ANKRD10: variants seen among roughly 807,000 people sequenced by gnomAD.
ANKRD10 encodes ankyrin repeat domain-containing protein 10.
ANKRD10 carries 14 observed loss-of-function variants against 27.0 expected under a neutral mutation model. The observed-to-expected ratio is 0.52, with a 90% CI of 0.34 to 0.81. The LOEUF (loss-of-function observed/expected upper bound fraction) is 0.81. ANKRD10 is among the 40% of genes least tolerant of loss of function. The probability of loss-of-function intolerance (pLI) is 0.01; values close to 1 mark genes in which losing one functional copy is unlikely to be tolerated. For synonymous variants in ANKRD10, 250 were observed against 224.5 expected, an observed-to-expected ratio of 1.11 and a Z score of -1.01; for missense variants, 493 against 544.0, an observed-to-expected ratio of 0.91 and a Z score of 0.93.
rs1344691271 is a variant in ANKRD10, at chr13:110,914,914, G to A, written c.21C>T (p.Gly7=). The change falls in exon 1 of 6, where the codon GGC becomes GGT. Residue 7 remains glycine, a synonymous_variant. Transcript: ENST00000267339. ...TGGAGAAGCCCGCCTCTACGCCCGC[G>A]CCCGCTCCCGCCGCCGACATGGTCC... MSAAGA[G]AGVEAGFSSE... is the part of the protein sequence containing the mutation. The A allele has an allele frequency of 7.2e-6, 11 of 1,534,584 alleles. No homozygotes were observed. Among genetic ancestry groups the A allele is most frequent in the Admixed American group, 3.9e-5 (2 of 50,866 alleles).
Position 110,914,994 on chromosome 13 carries a change from AGAAGCCGCCGCC to A in ANKRD10, c.-72_-61del, listed in dbSNP as rs892847830. The A allele has an allele frequency of 3.4e-6, 5 of 1,491,468 alleles. No individual in the cohort carries two copies. In the African/African-American group the frequency reaches 7.0e-5, roughly 21 times the overall value. The allele number at this position is 1,491,468 out of a possible 1,614,324, so 92.4% of individuals were successfully genotyped here. A position where few individuals can be genotyped will look rare whatever the true frequency, so the allele number is the denominator to read the frequency against. ...TAGAGGACGCGTCGGGGAGGACTCGAGAAGCCGCCGCCGCAGCACAAAGGAACGAGACTAGCG... is the reference window on the plus strand; with the variant it reads ...TAGAGGACGCGTCGGGGAGGACTCGAGCAGCACAAAGGAACGAGACTAGCG... On this transcript the variant is annotated 5_prime_UTR_variant, in exon 1 of 6. Transcript: ENST00000267339.
chr13:110,911,159 CTT>C (rs990443090), intron 1 of ANKRD10, among the ~76,000 whole-genome samples: 7 of 152,182 alleles, frequency 4.6e-5, no homozygotes, highest in Non-Finnish European at 1.0e-4. Flanking sequence ...GGTTAAAAAA[CTT>C]TGTGTAGGCC....
At position 110,914,965 on chromosome 13, in the gene ANKRD10, G is replaced by T. The variant is rs2065849349; in HGVS notation, c.-31C>A. 6.6e-7 allele frequency: 1 copy of T among 1,519,582 alleles called. No homozygotes were observed. The highest frequency in any genetic ancestry group is 8.8e-7 in the Non-Finnish European group (1 of 1,138,634). 94.1% of individuals were successfully genotyped at this position (1,519,582 alleles called of 1,614,324 possible). Reference sequence around the variant, plus strand: ...GTCACCGGAGAGCGCGGGGCTCGCTGGCCTAGAGGACGCGTCGGGGAGGAC... The same window carrying T: ...GTCACCGGAGAGCGCGGGGCTCGCTTGCCTAGAGGACGCGTCGGGGAGGAC... On this transcript the variant is annotated 5_prime_UTR_variant, in exon 1 of 6. Coordinates refer to ENST00000267339, the MANE Select transcript of ANKRD10 (RefSeq NM_017664.4).
rs780758838 is a variant in ANKRD10, at chr13:110,879,852, G to C, written c.1048C>G (p.Leu350Val). ...ATGCAGCTACTTGGACTCCCGTTCAGGTGCAGAGAACCGCACAACTCAGGG... is the reference window on the plus strand; with the variant it reads ...ATGCAGCTACTTGGACTCCCGTTCACGTGCAGAGAACCGCACAACTCAGGG... ...ANPELCGSLH[L>V]NGSPSSCIAS... The change falls in exon 6 of 6, where the codon CTG (leucine) becomes GTG (valine). Residue 350 changes from leucine to valine, a missense_variant. Transcript: ENST00000267339. 3 of 1,614,232 alleles carry C rather than the reference G, an allele frequency of 1.9e-6. No individual in the cohort carries two copies. The highest frequency in any genetic ancestry group is 1.7e-5 in the Admixed American group (1 of 60,028).
intron 3 of ANKRD10, chr13:110,904,334 T>C (rs530595912): frequency 4.6e-5 from 7 of 152,284 alleles, no homozygotes; most frequent in Non-Finnish European, 1.0e-4. Context: ...AAAGAGACAC[T>C]TGAGGGCCCT....
At chr13:110,900,107 T>A (rs1251744647) in intron 3 of ANKRD10, among the ~76,000 whole-genome samples, 1 of 152,132 alleles carries the variant, frequency 6.6e-6, no homozygotes, top group Non-Finnish European at 1.5e-5. Flanking sequence ...AAAATTTATA[T>A]CTAAGAATTC....
intron 4 of ANKRD10, among the ~76,000 whole-genome samples, chr13:110,892,361 C>T (rs200737647): frequency 2.7e-4 from 33 of 120,914 alleles, no homozygotes; most frequent in East Asian, 2.1e-3. Flanking sequence ...ACTTGGGAGC[C>T]GGAGGTTGCA....
intron 3 of ANKRD10, among the ~76,000 whole-genome samples, chr13:110,898,749 T>C (rs2065298181): frequency 9.0e-6 from 1 of 111,240 alleles, no homozygotes; most frequent in East Asian, 2.2e-4. Flanking sequence ...GTTTTTCTTT[T>C]CTTTTTTTTT....
chr13:110,896,672 C>G (rs1170037187), intron 3 of ANKRD10, among the ~76,000 whole-genome samples: 3 of 152,258 alleles, frequency 2.0e-5, no homozygotes, highest in African/African-American at 4.8e-5. Flanking sequence ...CATACATTCT[C>G]AGTCCTAACT....
intron 3 of ANKRD10, among the ~76,000 whole-genome samples, chr13:110,905,742 G>A (rs895020025): frequency 6.6e-6 from 1 of 152,060 alleles, no homozygotes; most frequent in Non-Finnish European, 1.5e-5. Flanking sequence ...CAAAGTAATG[G>A]TGGCAAAGTA....
intron 5 of ANKRD10, among the ~76,000 whole-genome samples, chr13:110,880,314 T>C (rs573320456): frequency 5.6e-4 from 85 of 152,340 alleles, no homozygotes; most frequent in African/African-American, 2.0e-3. Flanking sequence ...CCTGGTAAGA[T>C]AGGAAAATCA....
chr13:110,892,791 A>C, intron 4 of ANKRD10: 1 of 1,236,442 alleles, frequency 8.1e-7, no homozygotes, highest in Non-Finnish European at 1.0e-6. Context: ...GTGCTCAAAA[A>C]GTTCCACATA....
chr13:110,904,416 C>T (rs1024381833), intron 3 of ANKRD10: 3 of 152,134 alleles, frequency 2.0e-5, no homozygotes, highest in Middle Eastern at 3.4e-3. Context: ...AAAAGGACAT[C>T]GTGATATTTA....
At chr13:110,895,716 G>A (rs2065208926) in intron 3 of ANKRD10, among the ~76,000 whole-genome samples, 1 of 152,174 alleles carries the variant, frequency 6.6e-6, no homozygotes, top group East Asian at 1.9e-4. Context: ...AGAAGCTGAA[G>A]ACTACACTGA....
At chr13:110,909,840 A>G (rs971006133) in intron 2 of ANKRD10, among the ~76,000 whole-genome samples, 3 of 152,224 alleles carry the variant, frequency 2.0e-5, no homozygotes, top group Non-Finnish European at 4.4e-5. Flanking sequence ...TGATGACTAT[A>G]AAGCATTTAA....
intron 4 of ANKRD10, among the ~76,000 whole-genome samples, chr13:110,891,871 C>CTT (rs10553815): frequency 0.012 from 1,447 of 121,184 alleles, 21 homozygotes; most frequent in Middle Eastern, 0.014. Context: ...CTTATTAAGA[C>CTT]TTTTTTTTTT....
intron 1 of ANKRD10, among the ~76,000 whole-genome samples, chr13:110,912,245 TCA>T (rs1330059474): frequency 6.6e-6 from 1 of 152,228 alleles, no homozygotes; most frequent in Non-Finnish European, 1.5e-5. Flanking sequence ...AGGAGAGACC[TCA>T]CCTGAAGACA....
rs1267715356 is a variant in ANKRD10, at chr13:110,914,931, A to C, written c.4T>G (p.Ser2Ala). The C allele has an allele frequency of 6.5e-7, 1 of 1,532,876 alleles. No individual in the cohort carries two copies. Among genetic ancestry groups the C allele is most frequent in the South Asian group, 1.2e-5 (1 of 83,476 alleles). The allele number at this position is 1,532,876 out of a possible 1,614,324, so 95.0% of individuals were successfully genotyped here. Residue 2 changes from serine to alanine, a missense_variant, in exon 1 of 6, where the codon TCG (serine) becomes GCG (alanine). Physicochemically the swap from Ser to Ala is moderately conservative, Grantham distance 99 (BLOSUM62 1). Coordinates refer to ENST00000267339, the MANE Select transcript of ANKRD10 (RefSeq NM_017664.4). ...ACGCCCGCGCCCGCTCCCGCCGCCG[A>C]CATGGTCCGTCACCGGAGAGCGCGG... Reference protein sequence around the residue: MSAAGAGAGVEA... With the variant: MAAAGAGAGVEA...
At chr13:110,881,990 C>T (rs562318641) in intron 5 of ANKRD10, among the ~76,000 whole-genome samples, 1 of 152,300 alleles carries the variant, frequency 6.6e-6, no homozygotes, top group East Asian at 1.9e-4. Context: ...TCCCTTCTGT[C>T]TGCCCGGCCA....
Sources: gnomAD v4.1 joint callset for allele counts (sites outside exome capture counted in the v4.1 genomes callset) on GRCh38, gnomAD v4.1.1 for gene constraint, MANE v1.5 for transcripts, NCBI Gene and HGNC (gene_info 2026-07-23, HGNC 2026-07-21) for gene names.